PNKP: variants seen among roughly 807,000 people sequenced by gnomAD.
The protein encoded by PNKP is polynucleotide kinase 3'-phosphatase.
In PNKP, 82 loss-of-function variants were observed where a neutral mutation model predicts 66.2. That is an observed-to-expected ratio of 1.24 (90% confidence interval 1.04 to 1.49). PNKP has a LOEUF of 1.49. Among genes scored for constraint, PNKP ranks in the 40% most tolerant of loss-of-function variants. The pLI is 0.00. For synonymous variants in PNKP, 412 were observed against 298.9 expected (o/e 1.38, Z -3.90); for missense variants, 907 against 706.8 (o/e 1.28, Z -3.21).
intron 4 of PNKP, among the ~76,000 whole-genome samples, chr19:49,864,623 C>G (rs955943281): frequency 2.0e-5 from 3 of 152,164 alleles, no homozygotes; most frequent in African/African-American, 7.2e-5. Context: ...CCTTATGACG[C>G]CAGCCCCAGG....
At chr19:49,863,641 G>A (rs1046180628) in intron 8 of PNKP, 48 bp downstream of exon 8, 8 of 1,423,766 alleles carry the variant, frequency 5.6e-6, no homozygotes, top group Non-Finnish European at 7.8e-6. Context: ...AGGAGTGAGG[G>A]GCTGGAGTGA....
chr19:49,866,751 C>G (rs2074823581), intron 2 of PNKP: 1 of 591,714 alleles, frequency 1.7e-6, no homozygotes, highest in East Asian at 2.8e-5. Flanking sequence ...GCGACATTTA[C>G]TTTTCTCCAC....
At chr19:49,864,845 A>G (rs1454675140) in intron 4 of PNKP, among the ~76,000 whole-genome samples, 1 of 152,176 alleles carries the variant, frequency 6.6e-6, no homozygotes, top group Non-Finnish European at 1.5e-5. Flanking sequence ...TGGTAACAGC[A>G]TTTGAACTCA....
intron 8 of PNKP, 29 bp downstream of exon 8, chr19:49,863,660 A>AG (rs1250295992): frequency 6.5e-7 from 1 of 1,529,760 alleles, no homozygotes. Flanking sequence ...GAGGAAAAGG[A>AG]GGGGGGCCGG....
Position 49,865,290 on chromosome 19 carries a change from G to A in PNKP, c.335C>T (p.Pro112Leu). 2 of 1,614,228 alleles carry A rather than the reference G, an allele frequency of 1.2e-6. No individual in the cohort carries two copies. Among genetic ancestry groups the A allele is most frequent in the Non-Finnish European group, 1.7e-6 (2 of 1,180,048 alleles). ...AGGCGGAGTATCTGGCTGGGATTCT[G>A]GTGTGCGGGTCTCTTCCCAGCGCAG... ...LTLRWEETRT[P>L]ESQPDTPPGT... Residue 112 changes from proline to leucine, a missense_variant, in exon 4 of 17, where the codon CCA (proline) becomes CTA (leucine). Transcript: ENST00000322344.
At position 49,866,373 on chromosome 19, in the gene PNKP, GCTGGCCCTTGCAGAGGCACTGATAC is replaced by G; in HGVS notation, c.198+1_198+25del. 1 of 1,607,694 alleles carries G rather than the reference GCTGGCCCTTGCAGAGGCACTGATAC, an allele frequency of 6.2e-7. No individual in the cohort carries two copies. The highest frequency in any genetic ancestry group is 8.5e-7 in the Non-Finnish European group (1 of 1,174,094). On this transcript the variant is annotated splice_donor_variant and splice_donor_5th_base_variant and intron_variant, in intron 3 of 16. Transcript: ENST00000322344. LOFTEE classifies it high-confidence loss of function. ...TCCCCAAATCCCATCCCCAGGCCTT[GCTGGCCCTTGCAGAGGCACTGATAC>G]CTGTTTCACTGCCACTGTCCGGGTC...
Position 49,861,545 on chromosome 19 carries a change from G to A in PNKP, c.1387-35C>T, listed in dbSNP as rs781641215. 8.8e-6 allele frequency: 14 copies of A among 1,598,620 alleles called. No individual in the cohort carries two copies. In the East Asian group the frequency reaches 1.8e-4, roughly 21 times the overall value. ...ACATCAGAGGGGCGGCAGGCCCAGG[G>A]GTCAGGGGAGGAGGGGGGTCAGGGG... On this transcript the variant is annotated intron_variant, in intron 15 of 16. Coordinates refer to ENST00000322344, the MANE Select transcript of PNKP (RefSeq NM_007254.4).
intron 1 of PNKP, 126 bp from the exon 2 acceptor site, chr19:49,867,343 C>T: frequency 9.7e-7 from 1 of 1,031,420 alleles, no homozygotes; most frequent in Non-Finnish European, 1.4e-6. Context: ...CACCCGCTCG[C>T]CTTCCGCGGG....
Position 49,861,767 on chromosome 19 carries a change from G to GCTACCTGGCGCGGCT in PNKP, c.1288_1298+4dup. On this transcript the variant is annotated splice_donor_region_variant and intron_variant, in intron 14 of 16. Coordinates refer to ENST00000322344, the MANE Select transcript of PNKP (RefSeq NM_007254.4). ...AGGCCACCTACGGCCCCGCGGTCACGCTACCTGGCGCGGCTCGCGGCGTCT... is the reference window on the plus strand; with the variant it reads ...AGGCCACCTACGGCCCCGCGGTCACGCTACCTGGCGCGGCTCTACCTGGCGCGGCTCGCGGCGTCT... 1 of 1,567,302 alleles carries GCTACCTGGCGCGGCT rather than the reference G, an allele frequency of 6.4e-7. No individual in the cohort carries two copies. The highest frequency in any genetic ancestry group is 8.6e-7 in the Non-Finnish European group (1 of 1,156,952).
chr19:49,862,812 T>C, intron 8 of PNKP, 74 bp from the exon 9 acceptor site: 3 of 1,504,770 alleles, frequency 2.0e-6, no homozygotes, highest in South Asian at 1.1e-5. Flanking sequence ...CTGGGGCTGC[T>C]TCGCCTGGTC....
At chr19:49,865,029 G>C in intron 4 of PNKP, 98 bp downstream of exon 4, 1 of 970,658 alleles carries the variant, frequency 1.0e-6, no homozygotes, top group South Asian at 1.4e-5. Flanking sequence ...CCATTTCTCA[G>C]AAAAGTAAGT....
intron 3 of PNKP, 46 bp from the exon 4 acceptor site, chr19:49,865,472 G>C (rs967725602): frequency 7.0e-7 from 1 of 1,432,760 alleles, no homozygotes; most frequent in Non-Finnish European, 9.6e-7. Context: ...GCCCCCACCG[G>C]GAGCTTCCTC....
intron 3 of PNKP, 34 bp downstream of exon 3, chr19:49,866,365 C>G (rs1293997438): frequency 4.4e-6 from 7 of 1,600,940 alleles, no homozygotes; most frequent in Non-Finnish European, 6.0e-6. Flanking sequence ...ATCCCATCCC[C>G]AGGCCTTGCT....
rs753940585 is a variant in PNKP, at chr19:49,865,383, G to C, written c.242C>G (p.Pro81Arg). 6 of 1,612,860 alleles carry C rather than the reference G, an allele frequency of 3.7e-6. No homozygotes were observed. The highest frequency in any genetic ancestry group is 3.4e-6 in the Non-Finnish European group (4 of 1,179,462). Reference sequence around the variant, plus strand: ...CACCCCCAGAGAGCCCTCCAACCCCGGCTTCAACTCCTGGGTCCCGGTAGT... The same window carrying C: ...CACCCCCAGAGAGCCCTCCAACCCCCGCTTCAACTCCTGGGTCCCGGTAGT... The part of the protein sequence containing the change: ...PSTTGTQELK[P>R]GLEGSLGVGD... The change falls in exon 4 of 17, where the codon CCG becomes CGG. Residue 81 changes from proline to arginine, a missense_variant. Coordinates refer to ENST00000322344, the MANE Select transcript of PNKP (RefSeq NM_007254.4).
In PNKP at chr19:49,864,364, G is replaced by T. The variant is rs3739185; in HGVS notation, c.538C>A (p.Arg180Ser). ...FDLDGTLITT[R>S]SGKVFPTGPS... is the part of the protein sequence containing the mutation. ...CCAGTGGGAAAGACCTTCCCAGAGC[G>T]TGTGGTGATGAGCGTCCCGTCCAGA... The change falls in exon 5 of 17, where the codon CGC becomes AGC. Residue 180 changes from arginine to serine, a missense_variant. Coordinates refer to ENST00000322344, the MANE Select transcript of PNKP (RefSeq NM_007254.4). 5.7e-4 allele frequency: 927 copies of T among 1,613,998 alleles called. 9 individuals are homozygous for T. The African/African-American group carries it at 0.012, about 20-fold the overall frequency.
rs753142417 is a variant in PNKP, at chr19:49,863,971, G to T, written c.737C>A (p.Pro246His). ...VEAVVEKLGV[P>H]FQVLVATHAG... ...CCTCCCTTCCAGCCATACCTGGAAG[G>T]GGACCCCCAGCTTCTCCACCACAGC... Residue 246 changes from proline (P) to histidine (H), a missense_variant, in exon 7 of 17, where the codon CCC becomes CAC. By Grantham distance (77) the Pro-to-His change is moderately conservative (BLOSUM62 -2). Coordinates refer to ENST00000322344, the MANE Select transcript of PNKP (RefSeq NM_007254.4). 7 of 1,612,630 alleles carry T rather than the reference G, an allele frequency of 4.3e-6. No homozygotes were observed. The East Asian group carries it at 1.1e-4, about 26-fold the overall frequency.
chr19:49,863,751 C>T lies in PNKP; in HGVS notation c.754G>A (p.Ala252Thr). 1.9e-6 allele frequency: 3 copies of T among 1,559,374 alleles called. 1 individual carries two copies. The highest frequency in any genetic ancestry group is 8.7e-7 in the Non-Finnish European group (1 of 1,150,924). ...TTCCGGTACAAGCCTGCGTGCGTGGCCACCAGCACCTGTGGATGGGAGGGG... is the reference window on the plus strand; with the variant it reads ...TTCCGGTACAAGCCTGCGTGCGTGGTCACCAGCACCTGTGGATGGGAGGGG... Reference protein sequence around the residue: ...KLGVPFQVLVATHAGLYRKPV... With the variant: ...KLGVPFQVLVTTHAGLYRKPV... Residue 252 changes from alanine (A) to threonine (T), a missense_variant, in exon 8 of 17, where the codon GCC (alanine) becomes ACC (threonine). Coordinates refer to ENST00000322344, the MANE Select transcript of PNKP (RefSeq NM_007254.4).
At position 49,861,448 on chromosome 19, in the gene PNKP, C is replaced by G; in HGVS notation, c.1448+1G>C. The G allele has an allele frequency of 6.2e-7, 1 of 1,614,078 alleles. No homozygotes were observed. Among genetic ancestry groups the G allele is most frequent in the Non-Finnish European group, 8.5e-7 (1 of 1,179,960 alleles). On this transcript the variant is annotated splice_donor_variant, in intron 16 of 16. Coordinates refer to ENST00000322344, the MANE Select transcript of PNKP (RefSeq NM_007254.4). LOFTEE classifies it high-confidence loss of function. ...CTGCCCCCTGCTATCCCCAACAGTACCTGTAGCCATACATGACCATGTCTG... is the reference window on the plus strand; with the variant it reads ...CTGCCCCCTGCTATCCCCAACAGTAGCTGTAGCCATACATGACCATGTCTG...
intron 8 of PNKP, among the ~76,000 whole-genome samples, chr19:49,863,343 C>T (rs2074793893): frequency 6.6e-6 from 1 of 152,234 alleles, no homozygotes; most frequent in Non-Finnish European, 1.5e-5. Context: ...GTTTTACACG[C>T]CAGTCTGCCC....
Sources: allele counts gnomAD v4.1 joint callset (sites outside exome capture counted in the v4.1 genomes callset), GRCh38; gene constraint gnomAD v4.1.1; transcripts MANE v1.5; gene names NCBI Gene and HGNC (gene_info 2026-07-23, HGNC 2026-07-21).